The following RNASEH2B variants were observed in gnomAD, a reference collection of about 807,000 sequenced individuals.
The protein encoded by RNASEH2B is Aicardi-Goutieres syndrome 2 protein.
Under a neutral mutation model 45.0 loss-of-function variants are expected in RNASEH2B, and 36 were observed. The observed-to-expected ratio is 0.80, with a 90% CI of 0.61 to 1.06. The LOEUF (loss-of-function observed/expected upper bound fraction) is 1.06, where lower values mean the gene tolerates loss of function less well. Ranked by LOEUF, RNASEH2B falls within the 50% of genes least tolerant of loss-of-function variation. RNASEH2B has a pLI of 0.00. For synonymous variants in RNASEH2B, 119 were observed against 125.7 expected, an observed-to-expected ratio of 0.95 and a Z score of 0.35; for missense variants, 361 against 360.3, an observed-to-expected ratio of 1.00 and a Z score of -0.02.
At chr13:50,939,341 A>T (rs1394091714) in intron 5 of RNASEH2B, among the ~76,000 whole-genome samples, 1 of 116,120 alleles carries the variant, frequency 8.6e-6, no homozygotes, top group Non-Finnish European at 1.8e-5. Flanking sequence ...TGGGTGACAG[A>T]GCGAGACTCT....
intron 1 of RNASEH2B, among the ~76,000 whole-genome samples, chr13:50,920,696 G>GT (rs2137903384): frequency 6.6e-6 from 1 of 152,322 alleles, no homozygotes; most frequent in East Asian, 1.9e-4. Flanking sequence ...TGGAAGCATA[G>GT]TTTTGGAAGA....
At chr13:50,935,101 C>T in intron 5 of RNASEH2B, 102 bp downstream of exon 5, 1 of 754,524 alleles carries the variant, frequency 1.3e-6, no homozygotes, top group South Asian at 1.5e-5. Flanking sequence ...ATTCTGTGTC[C>T]ACCATAGGGA....
intron 1 of RNASEH2B, among the ~76,000 whole-genome samples, chr13:50,923,892 A>G (rs1951555836): frequency 6.6e-6 from 1 of 152,240 alleles, no homozygotes; most frequent in Admixed American, 6.5e-5. Context: ...ACAGTAGCAC[A>G]AAGGAGAGGA....
chr13:50,954,182 C>G, intron 10 of RNASEH2B, 197 bp downstream of exon 10: 2 of 633,290 alleles, frequency 3.2e-6, no homozygotes, highest in Non-Finnish European at 5.7e-6. Flanking sequence ...TATTATTAGT[C>G]AGAGAAAAAC....
chr13:50,942,256 G>T (rs1951841989), intron 5 of RNASEH2B: 1 of 152,134 alleles, frequency 6.6e-6, no homozygotes, highest in Non-Finnish European at 1.5e-5. Flanking sequence ...TTAATGTCAT[G>T]GTATATAAGG....
intron 9 of RNASEH2B, among the ~76,000 whole-genome samples, chr13:50,964,134 G>A (rs912338432): frequency 2.6e-5 from 4 of 151,534 alleles, no homozygotes; most frequent in African/African-American, 9.7e-5. Context: ...AGGAGGTGGA[G>A]GTTGCAGTGA....
chr13:50,930,859 C>A, intron 4 of RNASEH2B, 100 bp downstream of exon 4: 2 of 909,364 alleles, frequency 2.2e-6, no homozygotes, highest in Non-Finnish European at 3.7e-6. Flanking sequence ...GTGGATTCTA[C>A]CTTCAGATCT....
At chr13:50,946,249 A>G (rs1369626327) in intron 7 of RNASEH2B, among the ~76,000 whole-genome samples, 2 of 152,226 alleles carry the variant, frequency 1.3e-5, no homozygotes, top group African/African-American at 2.4e-5. Context: ...ACAATCTCAA[A>G]TGGTGAGACA....
chr13:50,927,876 C>A (rs994474107), intron 2 of RNASEH2B, among the ~76,000 whole-genome samples: 6 of 151,704 alleles, frequency 4.0e-5, no homozygotes, highest in Non-Finnish European at 8.8e-5. Context: ...TTTAAAAAAA[C>A]AAAAACAGAA....
chr13:50,947,419 GTGTGTA>G (rs1951914688), intron 7 of RNASEH2B, among the ~76,000 whole-genome samples: 1 of 148,746 alleles, frequency 6.7e-6, no homozygotes, highest in South Asian at 2.1e-4. Flanking sequence ...GTGTGTGTGT[GTGTGTA>G]TGTAGAACTA....
chr13:50,962,741 T>G (rs1952123614), intron 9 of RNASEH2B, among the ~76,000 whole-genome samples: 1 of 152,154 alleles, frequency 6.6e-6, no homozygotes. Context: ...TCCTCATGGG[T>G]TCTTTTAAGA....
chr13:50,947,899 G>T, intron 7 of RNASEH2B, 88 bp from the exon 8 acceptor site: 1 of 1,588,290 alleles, frequency 6.3e-7, no homozygotes, highest in South Asian at 1.1e-5. Context: ...GATAGGGTCA[G>T]AATTTGAATT....
intron 4 of RNASEH2B, among the ~76,000 whole-genome samples, chr13:50,931,507 G>T (rs1951680580): frequency 6.6e-6 from 1 of 151,968 alleles, no homozygotes; most frequent in African/African-American, 2.4e-5. Context: ...ATTTAATGAG[G>T]CGTGTGGCAT....
rs778933609 is a variant in RNASEH2B at position 50,948,019 on chromosome 13, T to G, written c.649T>G (p.Ser217Ala). 2 of 1,611,496 alleles carry G rather than the reference T, an allele frequency of 1.2e-6. No individual in the cohort carries two copies. The highest frequency in any genetic ancestry group is 8.5e-7 in the Non-Finnish European group (1 of 1,179,264). ...DYIRYAHGLI[S>A]DYIPKELSDD... ...TATTCGTTATGCCCATGGTCTGATATCTGACTACATCCCTAAAGAATTAAG... is the reference window on the plus strand; with the variant it reads ...TATTCGTTATGCCCATGGTCTGATAGCTGACTACATCCCTAAAGAATTAAG... Residue 217 changes from serine to alanine, a missense_variant, in exon 8 of 11, where the codon TCT (serine) becomes GCT (alanine). Coordinates refer to ENST00000336617, the MANE Select transcript of RNASEH2B (RefSeq NM_024570.4).
intron 4 of RNASEH2B, 24 bp from the exon 5 acceptor site, chr13:50,934,861 C>T: frequency 6.8e-7 from 1 of 1,464,160 alleles, no homozygotes. Flanking sequence ...GAAATGCTTG[C>T]TTTCCAACTA....
At chr13:50,923,627 GA>G (rs753010424) in intron 1 of RNASEH2B, among the ~76,000 whole-genome samples, 7 of 151,978 alleles carry the variant, frequency 4.6e-5, no homozygotes, top group Non-Finnish European at 1.0e-4. Flanking sequence ...TCAGATAAAG[GA>G]AAAAAGAATG....
In RNASEH2B at chr13:50,930,770, A is replaced by G. The variant is rs753571443; in HGVS notation, c.321+11A>G. On this transcript the variant is annotated intron_variant, in intron 4 of 10. Transcript: ENST00000336617. ...AAGGCTGATAAGGAGGTGAGTTTCC[A>G]GCTCGGAGCATCCACAGTGAGGAAA... The G allele has an allele frequency of 1.1e-5, 18 of 1,595,262 alleles. No homozygotes were observed. Among genetic ancestry groups the G allele is most frequent in the Non-Finnish European group, 3.4e-6 (4 of 1,162,890 alleles).
intron 5 of RNASEH2B, chr13:50,941,302 C>A (rs981159315): frequency 6.6e-6 from 1 of 152,206 alleles, no homozygotes; most frequent in African/African-American, 2.4e-5. Flanking sequence ...GCTTTGAGCA[C>A]GAGGCGGCTT....
At chr13:50,926,156 T>C (rs2408216) in intron 1 of RNASEH2B, among the ~76,000 whole-genome samples, 1 of 43,920 alleles carries the variant, frequency 2.3e-5, no homozygotes, top group Non-Finnish European at 5.8e-5. Context: ...GAAATCTCAA[T>C]TTTTTTTTTC....
Sources: allele counts gnomAD v4.1 joint callset (sites outside exome capture counted in the v4.1 genomes callset), GRCh38; gene constraint gnomAD v4.1.1; transcripts MANE v1.5; gene names NCBI Gene and HGNC (gene_info 2026-07-23, HGNC 2026-07-21).